The following ADARB2 variants were observed in gnomAD, a reference collection of about 807,000 sequenced individuals.
ADARB2 encodes the protein inactive double-stranded RNA-specific editase B2.
A neutral mutation model predicts 62.2 loss-of-function variants in ADARB2; 25 were observed. The observed-to-expected ratio is 0.40, with a 90% CI of 0.29 to 0.56. ADARB2 has a LOEUF of 0.56. Among genes scored for constraint, ADARB2 ranks in the 20% least tolerant of loss-of-function variants. The pLI is 0.43. For synonymous variants in ADARB2, 572 were observed against 500.8 expected, an observed-to-expected ratio of 1.14 and a Z score of -1.90; for missense variants, 1,071 against 1,077.4, an observed-to-expected ratio of 0.99 and a Z score of 0.08.
At chr10:1,267,797 C>G (rs747219510) in intron 4 of ADARB2, among the ~76,000 whole-genome samples, 56 of 152,198 alleles carry the variant, frequency 3.7e-4, no homozygotes, top group Admixed American at 3.9e-4. Context: ...CCCAGCGGAA[C>G]TGTGCTGGGA....
intron 1 of ADARB2, among the ~76,000 whole-genome samples, chr10:1,621,566 C>A (rs751935554): frequency 1.3e-5 from 2 of 152,114 alleles, no homozygotes; most frequent in Non-Finnish European, 2.9e-5. Flanking sequence ...CAGGCACATG[C>A]CACCACATCC....
At chr10:1,211,411 A>G (rs1009929753) in intron 7 of ADARB2, among the ~76,000 whole-genome samples, 5 of 151,952 alleles carry the variant, frequency 3.3e-5, no homozygotes, top group Non-Finnish European at 7.4e-5. Flanking sequence ...CTATCGATCT[A>G]TGTATGCCTG....
chr10:1,337,062 CTGTGTG>C (rs145511384), intron 3 of ADARB2, among the ~76,000 whole-genome samples: 12 of 142,046 alleles, frequency 8.4e-5, no homozygotes, highest in East Asian at 4.2e-4. Flanking sequence ...TTAAAGATTT[CTGTGTG>C]TGTGTGTGTG....
chr10:1,458,372 AC>A (rs1436492280), intron 1 of ADARB2, among the ~76,000 whole-genome samples: 2 of 81,384 alleles, frequency 2.5e-5, no homozygotes, highest in Non-Finnish European at 6.7e-5. Flanking sequence ...TTGGGGTCTC[AC>A]AGCTTCTCTT....
At chr10:1,277,630 A>G in intron 3 of ADARB2, among the ~76,000 whole-genome samples, 1 of 152,188 alleles carries the variant, frequency 6.6e-6, no homozygotes, top group Non-Finnish European at 1.5e-5. Context: ...CCAACCAAAA[A>G]AAGTCCAGAA....
intron 6 of ADARB2, 111 bp from the exon 7 acceptor site, chr10:1,217,230 T>A: frequency 8.9e-7 from 1 of 1,119,630 alleles, no homozygotes; most frequent in South Asian, 1.7e-5. Context: ...TCACCATGGC[T>A]GGGCGTTTGG....
intron 1 of ADARB2, among the ~76,000 whole-genome samples, chr10:1,636,115 A>G (rs949274732): frequency 3.3e-5 from 5 of 152,184 alleles, no homozygotes; most frequent in Non-Finnish European, 7.3e-5. Flanking sequence ...GGTTTCCAGT[A>G]CACAGAAGAT....
chr10:1,411,252 G>A (rs544211231), intron 1 of ADARB2, among the ~76,000 whole-genome samples: 104 of 152,332 alleles, frequency 6.8e-4, no homozygotes, highest in African/African-American at 2.4e-3. Flanking sequence ...CTGCATGGTG[G>A]CTGAGGCACA....
chr10:1,471,045 T>C (rs1379329709), intron 1 of ADARB2, among the ~76,000 whole-genome samples: 4 of 151,890 alleles, frequency 2.6e-5, no homozygotes, highest in Non-Finnish European at 5.9e-5. Context: ...GGCAACAGAG[T>C]GAGACTCCGT....
At chr10:1,645,413 T>G (rs1834027296) in intron 1 of ADARB2, among the ~76,000 whole-genome samples, 1 of 152,222 alleles carries the variant, frequency 6.6e-6, no homozygotes. Flanking sequence ...GAACTCCCAC[T>G]GCCCCTGCAG....
intron 1 of ADARB2, among the ~76,000 whole-genome samples, chr10:1,734,762 C>T (rs772482400): frequency 1.1e-4 from 17 of 152,100 alleles, no homozygotes; most frequent in Non-Finnish European, 1.8e-4. Context: ...CTCATACACA[C>T]GTGGATTTTA....
chr10:1,602,802 C>T (rs1039456097), intron 1 of ADARB2, among the ~76,000 whole-genome samples: 2 of 151,620 alleles, frequency 1.3e-5, no homozygotes, highest in Non-Finnish European at 1.5e-5. Context: ...CATATGCATA[C>T]ACACCTGTAC....
chr10:1,453,426 T>C (rs929880237), intron 1 of ADARB2, among the ~76,000 whole-genome samples: 1 of 152,214 alleles, frequency 6.6e-6, no homozygotes, highest in Non-Finnish European at 1.5e-5. Context: ...CCATGTTGAA[T>C]TGATTTTTGT....
chr10:1,381,380 G>A (rs1168458235), intron 1 of ADARB2, among the ~76,000 whole-genome samples: 1 of 152,220 alleles, frequency 6.6e-6, no homozygotes, highest in Non-Finnish European at 1.5e-5. Flanking sequence ...ACACCCATTA[G>A]GATGTTTATT....
Position 1,354,775 on chromosome 10 carries a change from C to T in ADARB2, c.1077+8253G>A, listed in dbSNP as rs150026616. The stretch of plus-strand genomic sequence containing the variant: ...GTTGGCTTTTCCCAGTTGCCATCTC[C>T]TTTAGCTGACCCTGTCCTTTTTGGT... On this transcript the variant is annotated intron_variant, in intron 3 of 9. Transcript: ENST00000381312. Among the ~76,000 whole-genome samples the T allele has an allele frequency of 3.2e-3, 481 of 152,342 alleles. 3 individuals are homozygous for T. The highest frequency in any genetic ancestry group is 0.011 in the African/African-American group (457 of 41,590).
intron 2 of ADARB2, among the ~76,000 whole-genome samples, chr10:1,374,844 G>A (rs776126496): frequency 6.6e-6 from 1 of 152,196 alleles, no homozygotes; most frequent in Non-Finnish European, 1.5e-5. Context: ...GTTGCTTCTG[G>A]TGAAGGTTAT....
intron 1 of ADARB2, among the ~76,000 whole-genome samples, chr10:1,702,829 A>T (rs1834840061): frequency 6.6e-6 from 1 of 152,218 alleles, no homozygotes; most frequent in Non-Finnish European, 1.5e-5. Context: ...TGCGATGATG[A>T]GTATGGGTTA....
At chr10:1,583,647 G>A (rs984041292) in intron 1 of ADARB2, among the ~76,000 whole-genome samples, 1 of 152,192 alleles carries the variant, frequency 6.6e-6, no homozygotes, top group African/African-American at 2.4e-5. Flanking sequence ...TTTTTAAGAT[G>A]TCACTTCTTC....
intron 1 of ADARB2, among the ~76,000 whole-genome samples, chr10:1,563,796 A>G (rs1372413864): frequency 9.5e-6 from 1 of 104,846 alleles, no homozygotes; most frequent in East Asian, 3.3e-4. Flanking sequence ...CCACCCCACA[A>G]CAGTCCTCAG....
Sources: allele counts gnomAD v4.1 joint callset (sites outside exome capture counted in the v4.1 genomes callset), GRCh38; gene constraint gnomAD v4.1.1; transcripts MANE v1.5; gene names NCBI Gene and HGNC (gene_info 2026-07-23, HGNC 2026-07-21).